Variants in NOX4 observed in about 807,000 individuals in gnomAD.
NOX4 encodes the protein kidney oxidase-1.
A neutral mutation model predicts 87.6 loss-of-function variants in NOX4; 69 were observed. The observed-to-expected ratio is 0.79, with a 90% CI of 0.65 to 0.96. The LOEUF (loss-of-function observed/expected upper bound fraction) is 0.96. Ranked by LOEUF, NOX4 falls within the 40% of genes least tolerant of loss-of-function variation. The pLI, the probability that NOX4 is intolerant of heterozygous loss-of-function variation, is 0.00. For synonymous variants in NOX4, 275 were observed against 238.2 expected (o/e 1.15, Z -1.42); for missense variants, 680 against 681.5 (o/e 1.00, Z 0.02).
chr11:89,360,875 A>C (rs1339809052), intron 12 of NOX4, among the ~76,000 whole-genome samples: 1 of 152,110 alleles, frequency 6.6e-6, no homozygotes. Context: ...TCATCAGGGA[A>C]ATGCAAATTA....
chr11:89,438,865 T>TTA (rs369254094), intron 6 of NOX4, among the ~76,000 whole-genome samples: 1 of 22,876 alleles, frequency 4.4e-5, no homozygotes, highest in South Asian at 9.4e-4. Flanking sequence ...ATATTATATA[T>TTA]TATATATATA....
At chr11:89,365,766 A>C (rs886464885) in intron 12 of NOX4, among the ~76,000 whole-genome samples, 1 of 151,256 alleles carries the variant, frequency 6.6e-6, no homozygotes, top group Non-Finnish European at 1.5e-5. Context: ...AAAAAAAAAA[A>C]AAAAAAAAAA....
rs188951520 is a variant in NOX4, at chr11:89,338,821, T to C, written c.1446+1242A>G. Among the ~76,000 whole-genome samples, 442 of 152,306 alleles carry C rather than the reference T, an allele frequency of 2.9e-3. 1 individual carries two copies. Among genetic ancestry groups the C allele is most frequent in the Middle Eastern group, 0.02 (6 of 294 alleles). ...CTCAAATGGCATTATAGCATTTTGT[T>C]TGATGGTTGTTCTTGAACATGCAAT... On this transcript the variant is annotated intron_variant, in intron 15 of 17. Coordinates refer to ENST00000263317, the MANE Select transcript of NOX4 (RefSeq NM_016931.5).
intron 12 of NOX4, among the ~76,000 whole-genome samples, chr11:89,356,531 G>T (rs530223073): frequency 1.3e-5 from 2 of 152,108 alleles, no homozygotes; most frequent in South Asian, 2.1e-4. Flanking sequence ...TCAGGAATAG[G>T]TATGCATTAC....
chr11:89,503,716 T>C, the NOX4 span, among the ~76,000 whole-genome samples: 1 of 151,346 alleles, frequency 6.6e-6, no homozygotes, highest in Non-Finnish European at 1.5e-5. Flanking sequence ...ATTCTGAATG[T>C]ATAAGATTAA....
At chr11:89,583,852 G>C in the NOX4 span, among the ~76,000 whole-genome samples, 1 of 152,044 alleles carries the variant, frequency 6.6e-6, no homozygotes, top group Non-Finnish European at 1.5e-5. Flanking sequence ...ACTGCACTTC[G>C]CACATGGCAG....
chr11:89,509,275 G>A, the NOX4 span, among the ~76,000 whole-genome samples: 1 of 151,842 alleles, frequency 6.6e-6, no homozygotes, highest in Non-Finnish European at 1.5e-5. Flanking sequence ...ACATTAACCA[G>A]CACGATTAAT....
chr11:89,384,279 C>A (rs1245163608), intron 11 of NOX4, among the ~76,000 whole-genome samples: 4 of 151,962 alleles, frequency 2.6e-5, no homozygotes, highest in Non-Finnish European at 5.9e-5. Flanking sequence ...CCCTTCATCC[C>A]AGCCTCTCTT....
intron 7 of NOX4, among the ~76,000 whole-genome samples, chr11:89,425,702 C>A (rs980183602): frequency 1.3e-5 from 2 of 151,884 alleles, no homozygotes; most frequent in Admixed American, 1.3e-4. Context: ...AGGATTTAAT[C>A]TATAAAAATA....
chr11:89,352,464 C>T (rs1476988762), intron 13 of NOX4, among the ~76,000 whole-genome samples: 3 of 152,108 alleles, frequency 2.0e-5, no homozygotes, highest in Non-Finnish European at 4.4e-5. Context: ...CTACCATAGA[C>T]AGTGATGCTT....
the NOX4 span, among the ~76,000 whole-genome samples, chr11:89,518,601 A>C: frequency 6.6e-6 from 1 of 152,178 alleles, no homozygotes; most frequent in South Asian, 2.1e-4. Flanking sequence ...ACATTCTGGT[A>C]ACTAAAACCT....
At chr11:89,461,661 A>AATAAATAAATAAATAAATAC (rs2135417384) in intron 2 of NOX4, among the ~76,000 whole-genome samples, 1 of 151,896 alleles carries the variant, frequency 6.6e-6, no homozygotes, top group Admixed American at 6.6e-5. Flanking sequence ...TAAATAAATA[A>AATAAATAAATAAATAAATAC]ATAAATAAGA....
chr11:89,339,699 G>C (rs1271337565), intron 15 of NOX4, among the ~76,000 whole-genome samples: 3 of 152,090 alleles, frequency 2.0e-5, no homozygotes, highest in Non-Finnish European at 4.4e-5. Flanking sequence ...GAGGATGGAA[G>C]GTGTTACAGC....
the NOX4 span, among the ~76,000 whole-genome samples, chr11:89,560,219 T>G: frequency 6.6e-6 from 1 of 151,968 alleles, no homozygotes; most frequent in Admixed American, 6.6e-5. Flanking sequence ...AGCGATGCAT[T>G]TGTAACCCAA....
chr11:89,486,515 CATACATATATATGTGTATAT>C (rs1946607125), intron 2 of NOX4, among the ~76,000 whole-genome samples: 2 of 141,140 alleles, frequency 1.4e-5, no homozygotes, highest in Admixed American at 7.2e-5. Context: ...CATATATACA[CATACATATATATGTGTATAT>C]ATACATATAT....
chr11:89,452,023 G>T (rs1944984359), intron 2 of NOX4, 128 bp from the exon 3 acceptor site: 4 of 606,866 alleles, frequency 6.6e-6, no homozygotes, highest in Middle Eastern at 2.9e-4. Context: ...TCCTTCAAAA[G>T]CCTTGAATAG....
intron 8 of NOX4, among the ~76,000 whole-genome samples, chr11:89,403,741 C>T (rs1453686513): frequency 2.0e-5 from 3 of 152,010 alleles, no homozygotes; most frequent in Non-Finnish European, 4.4e-5. Context: ...GAAACTCCGT[C>T]TCAAAAATAA....
intron 2 of NOX4, among the ~76,000 whole-genome samples, chr11:89,452,865 C>T (rs1174078272): frequency 6.6e-6 from 1 of 151,914 alleles, no homozygotes; most frequent in African/African-American, 2.4e-5. Flanking sequence ...CAGATGCATG[C>T]CATGTGGTGA....
chr11:89,330,625 A>G (rs1945429134), intron 17 of NOX4, among the ~76,000 whole-genome samples: 1 of 148,160 alleles, frequency 6.7e-6, no homozygotes, highest in African/African-American at 2.5e-5. Flanking sequence ...CAATTACTAA[A>G]AAGAAAAAAA....
Sources: allele counts gnomAD v4.1 joint callset (sites outside exome capture counted in the v4.1 genomes callset), GRCh38; gene constraint gnomAD v4.1.1; transcripts MANE v1.5; gene names NCBI Gene and HGNC (gene_info 2026-07-23, HGNC 2026-07-21).